The following KIR2DL3 variants were observed in gnomAD, a reference collection of about 807,000 sequenced individuals.
The protein encoded by KIR2DL3 is killer cell immunoglobulin like receptor, two Ig domains and long cytoplasmic tail 3.
In KIR2DL3, 39 loss-of-function variants were observed where a neutral mutation model predicts 33.8. The observed-to-expected ratio is 1.15, with a 90% CI of 0.89 to 1.51. The LOEUF (loss-of-function observed/expected upper bound fraction) is 1.51, where lower values mean the gene tolerates loss of function less well. KIR2DL3 is among the 40% of genes most tolerant of loss of function. The pLI, the probability that KIR2DL3 is intolerant of heterozygous loss-of-function variation, is 0.00. For missense variants in KIR2DL3, 462 were observed against 426.2 expected, an observed-to-expected ratio of 1.08 and a Z score of -0.74; for synonymous variants, 174 against 160.2, an observed-to-expected ratio of 1.09 and a Z score of -0.65.
chr19:54,749,591 A>G (rs1555916387), intron 5 of KIR2DL3, among the ~76,000 whole-genome samples: 9,586 of 80,220 alleles, frequency 0.12, 345 homozygotes, highest in African/African-American at 0.19. Context: ...GGAAATGAAG[A>G]GACTTATTAT....
rs2073672567 is a variant in KIR2DL3 at position 54,752,701 on chromosome 19, C to T, written c.*182C>T. 3 of 936,708 alleles carry T rather than the reference C, an allele frequency of 3.2e-6. 1 individual carries two copies. The highest frequency in any genetic ancestry group is 4.5e-5 in the Admixed American group (2 of 44,574). 58.0% of individuals were successfully genotyped at this position (936,708 alleles called of 1,614,324 possible). On this transcript the variant is annotated 3_prime_UTR_variant, in exon 8 of 8. Coordinates refer to ENST00000342376, the MANE Select transcript of KIR2DL3 (RefSeq NM_015868.3). Reference sequence around the variant, plus strand: ...TCACACCACAAATCTGAACGTGCCTCTCCCTTGCTTACAAATGTCTAAGGT... The same window carrying T: ...TCACACCACAAATCTGAACGTGCCTTTCCCTTGCTTACAAATGTCTAAGGT...
intron 1 of KIR2DL3, among the ~76,000 whole-genome samples, chr19:54,739,141 G>A (rs1266615081): frequency 6.7e-6 from 1 of 150,268 alleles, no homozygotes. Flanking sequence ...TATGGGACTG[G>A]AGAGGTGATA....
rs1470368668 is a variant in KIR2DL3, at chr19:54,743,995, A to C, written c.571A>C (p.Thr191Pro). The C allele has an allele frequency of 1.9e-6, 3 of 1,614,124 alleles. No individual in the cohort carries two copies. The East Asian group carries it at 6.7e-5, about 36-fold the overall frequency. Residue 191 changes from threonine (T) to proline (P), a missense_variant, in exon 4 of 8, where the codon ACC (threonine) becomes CCC (proline). Coordinates refer to ENST00000342376, the MANE Select transcript of KIR2DL3 (RefSeq NM_015868.3). ...FQADFPLGPA[T>P]HGGTYRCFGS... ...GGCCGACTTTCCTCTGGGCCCTGCC[A>C]CCCACGGAGGAACCTACAGATGCTT... is the stretch of plus-strand genomic sequence containing the variant.
intron 4 of KIR2DL3, among the ~76,000 whole-genome samples, 158 bp from the exon 5 acceptor site, chr19:54,747,177 G>A (rs542760872): frequency 0.029 from 4,292 of 145,754 alleles, 112 homozygotes; most frequent in Middle Eastern, 0.073. Flanking sequence ...TCAAGACAGT[G>A]GGCGTCACAT....
At chr19:54,746,278 T>C (rs1450844733) in intron 4 of KIR2DL3, among the ~76,000 whole-genome samples, 1 of 134,354 alleles carries the variant, frequency 7.4e-6, no homozygotes, top group East Asian at 2.0e-4. Context: ...GAGCTTCTTA[T>C]ATTTCTAGTT....
intron 4 of KIR2DL3, among the ~76,000 whole-genome samples, chr19:54,744,954 A>ATATTTTTTT (rs1398407460): frequency 6.4e-5 from 2 of 31,282 alleles, no homozygotes; most frequent in Non-Finnish European, 1.2e-4. Context: ...ATATATATAT[A>ATATTTTTTT]TTTTTTTTTT....
Position 54,752,699 on chromosome 19 carries a change from C to G in KIR2DL3, c.*180C>G. The G allele has an allele frequency of 1.1e-6, 1 of 933,630 alleles. No individual in the cohort carries two copies. The highest frequency in any genetic ancestry group is 1.6e-6 in the Non-Finnish European group (1 of 618,356). 57.8% of individuals were successfully genotyped at this position (933,630 alleles called of 1,614,324 possible). ...CCTCACACCACAAATCTGAACGTGC[C>G]TCTCCCTTGCTTACAAATGTCTAAG... On this transcript the variant is annotated 3_prime_UTR_variant, in exon 8 of 8. Transcript: ENST00000342376.
intron 1 of KIR2DL3, 138 bp from the exon 2 acceptor site, chr19:54,739,369 G>C: frequency 6.9e-7 from 1 of 1,443,822 alleles, no homozygotes; most frequent in Admixed American, 1.7e-5. Context: ...CCTGTTCTTG[G>C]GTGCAGGTAG....
chr19:54,746,963 C>A (rs2072602939), intron 4 of KIR2DL3, among the ~76,000 whole-genome samples: 1 of 145,928 alleles, frequency 6.9e-6, no homozygotes, highest in African/African-American at 2.5e-5. Context: ...GCCTGGGTGA[C>A]AGAGCGAGAC....
At chr19:54,745,023 T>A (rs1414645246) in intron 4 of KIR2DL3, among the ~76,000 whole-genome samples, 5 of 144,866 alleles carry the variant, frequency 3.5e-5, no homozygotes, top group African/African-American at 5.1e-5. Context: ...ACCATTCTAC[T>A]CTCTACCTTC....
At chr19:54,744,944 ATATATATATATTTTTT>A (rs1568967619) in intron 4 of KIR2DL3, among the ~76,000 whole-genome samples, 2 of 26,820 alleles carry the variant, frequency 7.5e-5, no homozygotes, top group African/African-American at 2.5e-4. Flanking sequence ...ATATATATAT[ATATATATATATTTTTT>A]TTTTTTTTTT....
rs116949969 is a variant in KIR2DL3 at position 54,747,028 on chromosome 19, C to A, written c.665-307C>A. Among the ~76,000 whole-genome samples, 18 of 124,252 alleles carry A rather than the reference C, an allele frequency of 1.4e-4. 3 individuals are homozygous for A. The highest frequency in any genetic ancestry group is 5.4e-4 in the African/African-American group (18 of 33,636). The allele number at this position is 124,252 out of a possible 152,430, so 81.5% of individuals were successfully genotyped here. On this transcript the variant is annotated intron_variant, in intron 4 of 7. Coordinates refer to ENST00000342376, the MANE Select transcript of KIR2DL3 (RefSeq NM_015868.3). ...TTGGAGGTAAATGCATGGATTATATCTGTGTTCTTCATTCTGCTCCATTGT... is the reference window on the plus strand; with the variant it reads ...TTGGAGGTAAATGCATGGATTATATATGTGTTCTTCATTCTGCTCCATTGT...
chr19:54,738,828 C>G (rs1237722069), intron 1 of KIR2DL3, among the ~76,000 whole-genome samples: 6 of 136,554 alleles, frequency 4.4e-5, no homozygotes, highest in African/African-American at 1.7e-4. Context: ...AGATATGGGC[C>G]TGGAGATGGA....
chr19:54,740,343 T>C (rs1253379679), intron 2 of KIR2DL3, among the ~76,000 whole-genome samples: 5 of 151,938 alleles, frequency 3.3e-5, no homozygotes, highest in African/African-American at 9.7e-5. Context: ...TTCTTCGGTG[T>C]CACTCTTATC....
intron 4 of KIR2DL3, among the ~76,000 whole-genome samples, chr19:54,746,825 A>G (rs1486819574): frequency 6.8e-6 from 1 of 147,846 alleles, no homozygotes; most frequent in Non-Finnish European, 1.5e-5. Context: ...TCCACTAAAA[A>G]TATAAAAATT....
Position 54,752,539 on chromosome 19 carries a change from C to T in KIR2DL3, c.*20C>T. 1 of 1,462,854 alleles carries T rather than the reference C, an allele frequency of 6.8e-7. No individual in the cohort carries two copies. Among genetic ancestry groups the T allele is most frequent in the Non-Finnish European group, 9.3e-7 (1 of 1,075,792 alleles). 90.6% of individuals were successfully genotyped at this position (1,462,854 alleles called of 1,614,324 possible). A position where few individuals can be genotyped will look rare whatever the true frequency, so the allele number is the denominator to read the frequency against. ...CCCTGATCCAAAGTTGTCTCCTGCCCATGAGCACCACAGTCAGGCCTTGAG... is the reference window on the plus strand; with the variant it reads ...CCCTGATCCAAAGTTGTCTCCTGCCTATGAGCACCACAGTCAGGCCTTGAG... On this transcript the variant is annotated 3_prime_UTR_variant, in exon 8 of 8. Transcript: ENST00000342376.
At position 54,741,906 on chromosome 19, in the gene KIR2DL3, C is replaced by A. The variant is rs1285113385; in HGVS notation, c.71-74C>A. 1.6e-5 allele frequency: 22 copies of A among 1,360,214 alleles called. No homozygotes were observed. The African/African-American group carries it at 2.3e-4, about 14-fold the overall frequency. 84.3% of individuals were successfully genotyped at this position (1,360,214 alleles called of 1,614,324 possible). On this transcript the variant is annotated intron_variant, in intron 2 of 7. Coordinates refer to ENST00000342376, the MANE Select transcript of KIR2DL3 (RefSeq NM_015868.3). ...AGAGACAGACACCAGCAAGGGGAAG[C>A]CTCACTCATTCTAGGTGCCATGGAT...
chr19:54,748,558 G>A lies in KIR2DL3; in HGVS notation c.715+1173G>A, dbSNP rs1195500861. ...TTAAATGGGAGGGCAGAAAATGAAT[G>A]CACAAGTGGATCTATAAATGAATGA... On this transcript the variant is annotated intron_variant, in intron 5 of 7. Transcript: ENST00000342376. Among the ~76,000 whole-genome samples, 7 of 148,492 alleles carry A rather than the reference G, an allele frequency of 4.7e-5. No individual in the cohort carries two copies. In the Admixed American group the frequency reaches 4.8e-4, roughly 10 times the overall value.
chr19:54,742,128 T>C lies in KIR2DL3; in HGVS notation c.219T>C (p.Ile73=). ...EGKFKDTLHL[I]GEHHDGVSKA... is the part of the protein sequence containing the mutation. ...AGTTTAAGGACACTTTGCACCTCAT[T>C]GGAGAGCACCATGATGGGGTCTCCA... is the stretch of plus-strand genomic sequence containing the variant. Residue 73 remains isoleucine, a synonymous_variant, in exon 3 of 8, where the codon ATT becomes ATC. Coordinates refer to ENST00000342376, the MANE Select transcript of KIR2DL3 (RefSeq NM_015868.3). 1 of 1,613,944 alleles carries C rather than the reference T, an allele frequency of 6.2e-7. No homozygotes were observed. Among genetic ancestry groups the C allele is most frequent in the Non-Finnish European group, 8.5e-7 (1 of 1,179,962 alleles).
Sources: gnomAD v4.1 joint callset for allele counts (sites outside exome capture counted in the v4.1 genomes callset) on GRCh38, gnomAD v4.1.1 for gene constraint, MANE v1.5 for transcripts, NCBI Gene and HGNC (gene_info 2026-07-23, HGNC 2026-07-21) for gene names.